FBXW7: variants seen among roughly 807,000 people sequenced by gnomAD.
FBXW7 encodes the protein F-box and WD repeat domain containing 7.
Under a neutral mutation model 86.3 loss-of-function variants are expected in FBXW7, and 11 were observed. That is an observed-to-expected ratio of 0.13 (90% CI 0.08 to 0.21). The LOEUF (loss-of-function observed/expected upper bound fraction) is 0.21, where lower values mean the gene tolerates loss of function less well. FBXW7 is among the 10% of genes least tolerant of loss of function. FBXW7 has a pLI of 1.00. For missense variants in FBXW7, 488 were observed against 847.4 expected, an observed-to-expected ratio of 0.58 and a Z score of 5.27; for synonymous variants, 313 against 297.9, an observed-to-expected ratio of 1.05 and a Z score of -0.52.
chr4:152,455,480 T>C (rs1742319790), intron 2 of FBXW7, among the ~76,000 whole-genome samples: 2 of 152,234 alleles, frequency 1.3e-5, no homozygotes, highest in Non-Finnish European at 2.9e-5. Context: ...TCTACTGTGC[T>C]CCTCACTTCC....
chr4:152,370,860 T>C (rs145677195), intron 4 of FBXW7, among the ~76,000 whole-genome samples: 21 of 151,954 alleles, frequency 1.4e-4, no homozygotes, highest in African/African-American at 3.9e-4. Flanking sequence ...CATTCCTAAA[T>C]TGCAATGAAG....
intron 2 of FBXW7, among the ~76,000 whole-genome samples, chr4:152,491,375 C>A (rs1412682749): frequency 6.6e-6 from 1 of 152,024 alleles, no homozygotes; most frequent in Non-Finnish European, 1.5e-5. Context: ...ATCTTTCCCT[C>A]CAAAAACTTA....
At chr4:152,504,455 T>C (rs1300098798) in intron 2 of FBXW7, among the ~76,000 whole-genome samples, 2 of 152,172 alleles carry the variant, frequency 1.3e-5, no homozygotes, top group Admixed American at 1.3e-4. Flanking sequence ...CTTTTGAATA[T>C]AATGTCAGTA....
chr4:152,435,452 G>A (rs1243635996), intron 2 of FBXW7, among the ~76,000 whole-genome samples: 1 of 152,094 alleles, frequency 6.6e-6, no homozygotes, highest in Non-Finnish European at 1.5e-5. Flanking sequence ...TATCAGGTAG[G>A]CATATTTCCA....
intron 2 of FBXW7, among the ~76,000 whole-genome samples, chr4:152,456,103 C>T (rs1742381244): frequency 6.6e-6 from 1 of 151,560 alleles, no homozygotes; most frequent in Admixed American, 6.6e-5. Flanking sequence ...CTTGAGAAGA[C>T]ATGGGTAAAG....
intron 8 of FBXW7, among the ~76,000 whole-genome samples, chr4:152,331,783 G>A (rs1321439323): frequency 3.9e-5 from 6 of 152,020 alleles, no homozygotes; most frequent in Non-Finnish European, 7.4e-5. Flanking sequence ...TGATTATATG[G>A]AAGAAGGGAA....
At chr4:152,489,583 A>G (rs1202081984) in intron 2 of FBXW7, among the ~76,000 whole-genome samples, 1 of 152,092 alleles carries the variant, frequency 6.6e-6, no homozygotes, top group African/African-American at 2.4e-5. Flanking sequence ...CTATTTTTAA[A>G]CCTCTTCAAA....
chr4:152,328,176 G>GAAGT, intron 11 of FBXW7, 32 bp downstream of exon 11: 1 of 1,558,240 alleles, frequency 6.4e-7, no homozygotes, highest in Non-Finnish European at 8.7e-7. Context: ...AATAGAGGAA[G>GAAGT]AAGTCCCAAC....
At chr4:152,369,937 A>G (rs1733858383) in intron 4 of FBXW7, among the ~76,000 whole-genome samples, 2 of 152,018 alleles carry the variant, frequency 1.3e-5, no homozygotes, top group Admixed American at 6.6e-5. Context: ...AATAGTTCCA[A>G]CTTAATGAAG....
At chr4:152,417,476 A>G (rs765728038) in intron 2 of FBXW7, among the ~76,000 whole-genome samples, 27 of 152,142 alleles carry the variant, frequency 1.8e-4, no homozygotes, top group Non-Finnish European at 3.7e-4. Flanking sequence ...TTGGGAGTCA[A>G]AGCAGAATGA....
intron 2 of FBXW7, among the ~76,000 whole-genome samples, chr4:152,531,279 A>G (rs1393717625): frequency 1.3e-5 from 2 of 152,242 alleles, no homozygotes; most frequent in Non-Finnish European, 2.9e-5. Context: ...GAAGGCCTCC[A>G]TATGGCATAT....
At chr4:152,336,341 T>A (rs1730103102) in intron 7 of FBXW7, among the ~76,000 whole-genome samples, 2 of 152,116 alleles carry the variant, frequency 1.3e-5, no homozygotes, top group Non-Finnish European at 2.9e-5. Flanking sequence ...ACTTTCATAT[T>A]CTGATCTTAC....
intron 2 of FBXW7, among the ~76,000 whole-genome samples, chr4:152,442,922 A>T (rs1361958523): frequency 6.6e-6 from 1 of 152,226 alleles, no homozygotes; most frequent in Non-Finnish European, 1.5e-5. Flanking sequence ...AACAAAGCTC[A>T]TATCTAATTA....
At chr4:152,480,814 G>A (rs537961673) in intron 2 of FBXW7, among the ~76,000 whole-genome samples, 1 of 152,294 alleles carries the variant, frequency 6.6e-6, no homozygotes, top group Admixed American at 6.5e-5. Context: ...TGAAGGCTGA[G>A]AGAGGTGAAG....
chr4:152,451,536 C>G (rs1450160256), intron 2 of FBXW7: 1 of 152,044 alleles, frequency 6.6e-6, no homozygotes, highest in African/African-American at 2.4e-5. Flanking sequence ...TCCCAGAACT[C>G]TGGGATGCTG....
At chr4:152,426,498 CG>C (rs1484296554) in intron 2 of FBXW7, among the ~76,000 whole-genome samples, 1 of 152,018 alleles carries the variant, frequency 6.6e-6, no homozygotes. Flanking sequence ...TACAGGCGCA[CG>C]TCACCATGCC....
chr4:152,384,045 G>A (rs1315312714), intron 4 of FBXW7, among the ~76,000 whole-genome samples: 3 of 152,150 alleles, frequency 2.0e-5, no homozygotes, highest in Non-Finnish European at 4.4e-5. Flanking sequence ...GCTAGGATGT[G>A]GGGAAATCAG....
rs34026470 is a variant in FBXW7, at chr4:152,337,865, T to C, written c.798A>G (p.Lys266=). 1.8e-4 allele frequency: 286 copies of C among 1,612,676 alleles called. No homozygotes were observed. The African/African-American group carries it at 3.5e-3, about 20-fold the overall frequency. ...LIDSCEPTQV[K]HMMQVIEPQF... ...GGGGTTCTATCACTTGCATCATATG[T>C]TTTACTTGTGTTGGTTCACAACTAT... Residue 266 remains lysine (K), a synonymous_variant, in exon 7 of 14, where the codon AAA becomes AAG. Transcript: ENST00000281708.
chr4:152,526,578 G>A (rs1490433034), intron 2 of FBXW7, among the ~76,000 whole-genome samples: 3 of 151,960 alleles, frequency 2.0e-5, no homozygotes, highest in Non-Finnish European at 4.4e-5. Context: ...AAATTATTTC[G>A]ATCTTAATTT....
Sources: gnomAD v4.1 joint callset for allele counts (sites outside exome capture counted in the v4.1 genomes callset) on GRCh38, gnomAD v4.1.1 for gene constraint, MANE v1.5 for transcripts, NCBI Gene and HGNC (gene_info 2026-07-23, HGNC 2026-07-21) for gene names.